The following CSMD1 variants were observed in gnomAD, a reference collection of about 807,000 sequenced individuals.
The protein encoded by CSMD1 is CUB and Sushi multiple domains 1, also known as CUB and sushi domain-containing protein 1.
In CSMD1, 213 loss-of-function variants were observed where a neutral mutation model predicts 417.5. That is an observed-to-expected ratio of 0.51 (90% CI 0.46 to 0.57). CSMD1 has a LOEUF of 0.57. CSMD1 is among the 20% of genes least tolerant of loss of function. The pLI, the probability that CSMD1 is intolerant of heterozygous loss-of-function variation, is 0.00. For synonymous variants in CSMD1, 2,862 were observed against 1,736.8 expected, an observed-to-expected ratio of 1.65 and a Z score of -16.11; for missense variants, 6,923 against 4,529.7, an observed-to-expected ratio of 1.53 and a Z score of -15.17.
chr8:3,652,427 A>G (rs1448820375), intron 7 of CSMD1, among the ~76,000 whole-genome samples: 1 of 152,196 alleles, frequency 6.6e-6, no homozygotes, highest in Admixed American at 6.5e-5. Context: ...TCTCCTTCCC[A>G]AACACAATGG....
At chr8:3,422,589 A>C (rs1214444890) in intron 12 of CSMD1, among the ~76,000 whole-genome samples, 1 of 152,244 alleles carries the variant, frequency 6.6e-6, no homozygotes, top group Non-Finnish European at 1.5e-5. Context: ...AGAGCATGTT[A>C]CAATAGGGCT....
At chr8:3,851,154 G>A (rs941557582) in intron 5 of CSMD1, among the ~76,000 whole-genome samples, 4 of 152,158 alleles carry the variant, frequency 2.6e-5, no homozygotes, top group African/African-American at 9.7e-5. Context: ...GAGCTAATTT[G>A]TGACAGGATA....
intron 52 of CSMD1, among the ~76,000 whole-genome samples, chr8:3,003,101 T>C (rs908790493): frequency 6.6e-6 from 1 of 152,206 alleles, no homozygotes; most frequent in Admixed American, 6.5e-5. Context: ...TTTTAAAACA[T>C]TCAAAATCTT....
chr8:3,909,634 T>A (rs1162471635), intron 5 of CSMD1, among the ~76,000 whole-genome samples: 1 of 152,144 alleles, frequency 6.6e-6, no homozygotes, highest in Non-Finnish European at 1.5e-5. Flanking sequence ...TTGTTTGTGC[T>A]GCAGGAATGG....
chr8:3,751,487 G>A (rs1037269996), intron 6 of CSMD1, among the ~76,000 whole-genome samples: 1 of 147,514 alleles, frequency 6.8e-6, no homozygotes. Context: ...ATATATTATA[G>A]AATATATATA....
chr8:4,166,196 G>C (rs964767289), intron 3 of CSMD1, among the ~76,000 whole-genome samples: 7 of 152,080 alleles, frequency 4.6e-5, no homozygotes, highest in Non-Finnish European at 8.8e-5. Flanking sequence ...ATGCAAAATA[G>C]TCAGTTTTAT....
At chr8:4,435,829 G>T (rs1014348469) in intron 2 of CSMD1, among the ~76,000 whole-genome samples, 3 of 152,186 alleles carry the variant, frequency 2.0e-5, no homozygotes, top group Non-Finnish European at 2.9e-5. Flanking sequence ...TCAGGGCAGG[G>T]TGTGTGACTC....
At chr8:4,290,448 A>G (rs746378139) in intron 3 of CSMD1, among the ~76,000 whole-genome samples, 2 of 152,160 alleles carry the variant, frequency 1.3e-5, no homozygotes, top group South Asian at 2.1e-4. Flanking sequence ...ATGCTGTTCT[A>G]TGGGCAATTT....
chr8:4,737,565 T>C (rs1262826414), intron 1 of CSMD1, among the ~76,000 whole-genome samples: 1 of 152,180 alleles, frequency 6.6e-6, no homozygotes, highest in Non-Finnish European at 1.5e-5. Flanking sequence ...ACACGGAAGT[T>C]ATTGCCAGCA....
chr8:3,901,382 C>T (rs1807740848), intron 5 of CSMD1, among the ~76,000 whole-genome samples: 1 of 152,156 alleles, frequency 6.6e-6, no homozygotes, highest in South Asian at 2.1e-4. Context: ...TGAAGATGGG[C>T]ATATTTCAGT....
chr8:3,113,948 T>C (rs905271216), intron 42 of CSMD1, among the ~76,000 whole-genome samples: 2 of 152,218 alleles, frequency 1.3e-5, no homozygotes, highest in Admixed American at 6.5e-5. Flanking sequence ...CTGGCTGTTA[T>C]GGCTCATAGC....
At chr8:3,196,080 C>T (rs765445396) in intron 33 of CSMD1, among the ~76,000 whole-genome samples, 2 of 152,070 alleles carry the variant, frequency 1.3e-5, no homozygotes, top group Admixed American at 6.5e-5. Context: ...GTAAAGAAGC[C>T]GGCCCAAATC....
rs547320562 is a variant in CSMD1 at position 3,871,431 on chromosome 8, C to T, written c.819-117389G>A. On this transcript the variant is annotated intron_variant, in intron 5 of 69. Coordinates refer to ENST00000635120, the MANE Select transcript of CSMD1 (RefSeq NM_033225.6). ...TGCATTATTTTCCTTTAACATGCAT[C>T]ATTTAATTTCAACTTGCATTATTCT... Among the ~76,000 whole-genome samples, 320 of 152,144 alleles carry T rather than the reference C, an allele frequency of 2.1e-3. 1 individual carries two copies. Among genetic ancestry groups the T allele is most frequent in the African/African-American group, 7.5e-3 (311 of 41,542 alleles).
intron 1 of CSMD1, among the ~76,000 whole-genome samples, chr8:4,697,407 T>G (rs1291376604): frequency 6.6e-6 from 1 of 152,094 alleles, no homozygotes; most frequent in Non-Finnish European, 1.5e-5. Context: ...TGCTAGCAAA[T>G]TAGTGTATTT....
intron 1 of CSMD1, among the ~76,000 whole-genome samples, chr8:4,767,744 G>T (rs909442092): frequency 1.3e-5 from 2 of 152,118 alleles, no homozygotes; most frequent in African/African-American, 2.4e-5. Flanking sequence ...GCTTGATTTT[G>T]CATTTATTTA....
chr8:4,963,683 T>C (rs13280299), intron 1 of CSMD1, among the ~76,000 whole-genome samples: 58,822 of 152,164 alleles, frequency 0.39, 11,933 homozygotes, highest in Non-Finnish European at 0.43. Context: ...TTCCTCTGTG[T>C]AGACACAGGT....
intron 49 of CSMD1, among the ~76,000 whole-genome samples, chr8:3,055,600 T>A (rs564111952): frequency 1.5e-4 from 23 of 152,322 alleles, no homozygotes; most frequent in African/African-American, 3.1e-4. Context: ...ACTATTTTTT[T>A]AAAAATGCGA....
chr8:4,731,934 G>C (rs371529029), intron 1 of CSMD1, among the ~76,000 whole-genome samples: 3 of 152,112 alleles, frequency 2.0e-5, no homozygotes, highest in Admixed American at 1.3e-4. Context: ...AATAATAATA[G>C]TGAGAACGAT....
At chr8:4,583,847 A>T (rs1184086381) in intron 2 of CSMD1, among the ~76,000 whole-genome samples, 1 of 152,076 alleles carries the variant, frequency 6.6e-6, no homozygotes, top group Non-Finnish European at 1.5e-5. Flanking sequence ...CCCCTTCCAC[A>T]CTGTGGAAGC....
Sources: allele counts gnomAD v4.1 joint callset (sites outside exome capture counted in the v4.1 genomes callset), GRCh38; gene constraint gnomAD v4.1.1; transcripts MANE v1.5; gene names NCBI Gene and HGNC (gene_info 2026-07-23, HGNC 2026-07-21).